Variants in CHD1 observed in about 807,000 individuals in gnomAD.
CHD1 encodes the protein chromodomain helicase DNA binding protein 1, also known as ATP-dependent chromatin remodeler CHD1.
CHD1 carries 36 observed loss-of-function variants against 224.2 expected under a neutral mutation model. The observed-to-expected ratio is 0.16, with a 90% CI of 0.12 to 0.21. The LOEUF is 0.21. Among genes scored for constraint, CHD1 ranks in the 10% least tolerant of loss-of-function variants. The pLI, the probability that CHD1 is intolerant of heterozygous loss-of-function variation, is 1.00. For synonymous variants in CHD1, 668 were observed against 658.3 expected, an observed-to-expected ratio of 1.01 and a Z score of -0.23; for missense variants, 1,378 against 1,994.8, an observed-to-expected ratio of 0.69 and a Z score of 5.89.
In CHD1 at chr5:98,856,578, T is replaced by C. The variant is rs771028542; in HGVS notation, c.4935A>G (p.Ser1645=). The C allele has an allele frequency of 1.9e-6, 3 of 1,613,702 alleles. No individual in the cohort carries two copies. Among genetic ancestry groups the C allele is most frequent in the Non-Finnish European group, 2.5e-6 (3 of 1,179,772 alleles). Residue 1645 remains serine, a synonymous_variant, in exon 36 of 36, where the codon TCA becomes TCG. Coordinates refer to ENST00000614616, the MANE Select transcript of CHD1 (RefSeq NM_001270.4). ...ATTTATGGTGCGTATATTCAGAACT[T>C]GACCGGTGGTCTGAATGTAACCGAT... ...SDHRLHSDHR[S]SSEYTHHKSS... is the part of the protein sequence containing the mutation.
At chr5:98,892,443 G>T in intron 15 of CHD1, 82 bp downstream of exon 15, 1 of 960,420 alleles carries the variant, frequency 1.0e-6, no homozygotes, top group Non-Finnish European at 1.6e-6. Flanking sequence ...TTGTAGAGAA[G>T]GTGGGGGCAC....
At chr5:98,858,905 AC>A in intron 34 of CHD1, 58 bp downstream of exon 34, 6 of 1,173,430 alleles carry the variant, frequency 5.1e-6, no homozygotes, top group Non-Finnish European at 7.0e-6. Flanking sequence ...TTTATTTAAA[AC>A]AAAAATTTAA....
chr5:98,908,823 T>C lies in CHD1; in HGVS notation c.54-3725A>G, dbSNP rs575119258. On this transcript the variant is annotated intron_variant, in intron 2 of 35. Transcript: ENST00000614616. ...CGGAATAAATAAATAAATAAACCCA[T>C]TGAATTCTTTTCCTCAATTCACGAA... Among the ~76,000 whole-genome samples the C allele has an allele frequency of 1.3e-4, 18 of 140,136 alleles. 1 individual carries two copies. In the South Asian group the frequency reaches 2.3e-3, roughly 18 times the overall value. 91.9% of individuals were successfully genotyped at this position (140,136 alleles called of 152,430 possible).
At chr5:98,927,184 T>C (rs533054054) in intron 1 of CHD1, among the ~76,000 whole-genome samples, 5 of 152,298 alleles carry the variant, frequency 3.3e-5, no homozygotes, top group East Asian at 3.9e-4. Flanking sequence ...GAAAAGGTAA[T>C]AGAATATACA....
intron 24 of CHD1, 73 bp from the exon 25 acceptor site, chr5:98,875,186 C>T: frequency 2.4e-6 from 2 of 839,294 alleles, no homozygotes; most frequent in Non-Finnish European, 3.9e-6. Flanking sequence ...CTGATATTTA[C>T]AGATATAAGA....
intron 17 of CHD1, among the ~76,000 whole-genome samples, chr5:98,887,343 G>A (rs1750718006): frequency 6.6e-6 from 1 of 152,006 alleles, no homozygotes; most frequent in Non-Finnish European, 1.5e-5. Flanking sequence ...TCCTGTAAGA[G>A]ATGATAAGCT....
intron 7 of CHD1, 51 bp from the exon 8 acceptor site, chr5:98,899,756 T>C (rs1580465686): frequency 7.5e-7 from 1 of 1,330,492 alleles, no homozygotes. Context: ...TGTTGTAGGA[T>C]TATATTTCAA....
chr5:98,911,418 G>T (rs1752415339), intron 2 of CHD1, among the ~76,000 whole-genome samples: 1 of 151,922 alleles, frequency 6.6e-6, no homozygotes, highest in South Asian at 2.1e-4. Context: ...CCATAATTAT[G>T]CAATCATCAC....
intron 2 of CHD1, among the ~76,000 whole-genome samples, chr5:98,921,891 C>G (rs904024326): frequency 2.6e-5 from 4 of 152,166 alleles, no homozygotes; most frequent in African/African-American, 7.2e-5. Context: ...GTGGCTCATG[C>G]CTGTAATCCC....
chr5:98,921,148 T>C (rs556585105), intron 2 of CHD1, among the ~76,000 whole-genome samples: 1 of 152,346 alleles, frequency 6.6e-6, no homozygotes, highest in East Asian at 1.9e-4. Flanking sequence ...TTTGTGAGGA[T>C]GAACTGTGAC....
At chr5:98,891,629 G>A (rs1243923848) in intron 15 of CHD1, among the ~76,000 whole-genome samples, 1 of 151,364 alleles carries the variant, frequency 6.6e-6, no homozygotes, top group Non-Finnish European at 1.5e-5. Flanking sequence ...TGGCCAGCAT[G>A]GCAAAACCCT....
At chr5:98,858,606 A>C in intron 34 of CHD1, 1 of 511,090 alleles carries the variant, frequency 2.0e-6, no homozygotes, top group South Asian at 3.1e-5. Flanking sequence ...AAACTAAAAA[A>C]TATGGGACCT....
At chr5:98,869,563 A>T (rs1035308343) in intron 30 of CHD1, 191 bp downstream of exon 30, 20 of 607,622 alleles carry the variant, frequency 3.3e-5, no homozygotes, top group Non-Finnish European at 4.7e-5. Flanking sequence ...CTGGACAGTT[A>T]GAATTCTGTT....
At chr5:98,879,884 A>G (rs375456676) in intron 22 of CHD1, among the ~76,000 whole-genome samples, 156 bp from the exon 23 acceptor site, 151 of 152,324 alleles carry the variant, frequency 9.9e-4, no homozygotes, top group Middle Eastern at 3.4e-3. Flanking sequence ...TCATTTCTTC[A>G]TTAGGGCAAA....
At chr5:98,899,456 G>C (rs1362339578) in intron 8 of CHD1, 24 bp downstream of exon 8, 2 of 1,356,036 alleles carry the variant, frequency 1.5e-6, no homozygotes, top group Admixed American at 3.4e-5. Flanking sequence ...ATTAAAAGAA[G>C]TATATGATAT....
At chr5:98,887,848 AAGAC>A (rs1342234149) in intron 17 of CHD1, among the ~76,000 whole-genome samples, 2 of 152,308 alleles carry the variant, frequency 1.3e-5, no homozygotes, top group Middle Eastern at 3.4e-3. Context: ...ATAGAAGAAA[AAGAC>A]AGAATTAAAA....
chr5:98,928,487 G>C (rs918915181), intron 1 of CHD1, 52 bp downstream of exon 1: 1 of 152,756 alleles, frequency 6.5e-6, no homozygotes, highest in Non-Finnish European at 1.5e-5. Flanking sequence ...CCGCCCGGCC[G>C]GTTCCTGTCC....
At chr5:98,910,086 G>T (rs1752290997) in intron 2 of CHD1, among the ~76,000 whole-genome samples, 1 of 152,092 alleles carries the variant, frequency 6.6e-6, no homozygotes, top group Non-Finnish European at 1.5e-5. Context: ...CTACTGGACT[G>T]GTTGCCTTAT....
intron 30 of CHD1, chr5:98,869,078 T>C: frequency 1.1e-6 from 1 of 915,376 alleles, no homozygotes; most frequent in South Asian, 5.0e-5. Context: ...TCTTTTTTCT[T>C]TAAAATCTTT....
Sources: gnomAD v4.1 joint callset for allele counts (sites outside exome capture counted in the v4.1 genomes callset) on GRCh38, gnomAD v4.1.1 for gene constraint, MANE v1.5 for transcripts, NCBI Gene and HGNC (gene_info 2026-07-23, HGNC 2026-07-21) for gene names.